Variants in TTC39B observed in about 807,000 individuals in gnomAD.
The protein encoded by TTC39B is tetratricopeptide repeat protein 39B.
A neutral mutation model predicts 96.6 loss-of-function variants in TTC39B; 92 were observed. The observed-to-expected ratio is 0.95, with a 90% CI of 0.80 to 1.13. The LOEUF is 1.13. Among genes scored for constraint, TTC39B ranks in the 50% most tolerant of loss-of-function variants. The pLI is 0.00. For missense variants in TTC39B, 955 were observed against 809.3 expected (o/e 1.18, Z -2.18); for synonymous variants, 367 against 299.4 (o/e 1.23, Z -2.33).
chr9:15,225,091 C>T (rs1363082611), intron 3 of TTC39B, among the ~76,000 whole-genome samples: 2 of 152,010 alleles, frequency 1.3e-5, no homozygotes, highest in African/African-American at 4.8e-5. Flanking sequence ...TAAAAAAAAC[C>T]TTCATGTTCA....
At chr9:15,266,060 A>G (rs1453620598) in intron 2 of TTC39B, among the ~76,000 whole-genome samples, 1 of 152,190 alleles carries the variant, frequency 6.6e-6, no homozygotes, top group Non-Finnish European at 1.5e-5. Context: ...TAACGTATGG[A>G]CTGTAGTTAA....
exon 18 of TTC39B, chr9:15,177,761 A>G (rs1159114850): frequency 1.2e-6 from 2 of 1,613,604 alleles, no homozygotes; most frequent in Non-Finnish European, 1.7e-6. Context: ...TTGAGGCAAC[A>G]TCCTTTAAGT....
At chr9:15,267,884 C>T (rs1823194468) in intron 2 of TTC39B, 30 bp downstream of exon 2, 1 of 1,585,992 alleles carries the variant, frequency 6.3e-7, no homozygotes, top group African/African-American at 1.4e-5. Context: ...TTTTTCCTTA[C>T]TACATACTTT....
intron 2 of TTC39B, among the ~76,000 whole-genome samples, chr9:15,235,023 C>CAATATATAAATAAATA (rs1554779428): frequency 6.9e-6 from 1 of 145,054 alleles, no homozygotes; most frequent in Non-Finnish European, 1.5e-5. Flanking sequence ...CAAGAATGAT[C>CAATATATAAATAAATA]AATAAATAAA....
chr9:15,294,053 C>A (rs1454595239), intron 1 of TTC39B, among the ~76,000 whole-genome samples: 1 of 152,172 alleles, frequency 6.6e-6, no homozygotes, highest in Non-Finnish European at 1.5e-5. Context: ...CAATTGAACT[C>A]CTTTAAATTT....
intron 13 of TTC39B, 31 bp downstream of exon 13, chr9:15,189,543 T>TC: frequency 6.2e-7 from 1 of 1,612,950 alleles, no homozygotes; most frequent in Non-Finnish European, 8.5e-7. Flanking sequence ...TACAGACAAC[T>TC]CCCCCAAATA....
At chr9:15,297,056 C>G (rs1281093823) in intron 1 of TTC39B, among the ~76,000 whole-genome samples, 1 of 152,186 alleles carries the variant, frequency 6.6e-6, no homozygotes, top group Non-Finnish European at 1.5e-5. Context: ...AGGCCAGATT[C>G]TGATCAATCT....
intron 1 of TTC39B, among the ~76,000 whole-genome samples, chr9:15,284,094 A>G (rs1295981777): frequency 6.6e-6 from 1 of 152,236 alleles, no homozygotes; most frequent in Non-Finnish European, 1.5e-5. Flanking sequence ...CCTACAGGTC[A>G]TAAGGAATAG....
chr9:15,296,230 T>A (rs891027470), intron 1 of TTC39B, among the ~76,000 whole-genome samples: 1 of 152,200 alleles, frequency 6.6e-6, no homozygotes, highest in South Asian at 2.1e-4. Flanking sequence ...CAGAACTTAG[T>A]CCGAAGGTAA....
chr9:15,261,613 C>G (rs1279101583), intron 2 of TTC39B, among the ~76,000 whole-genome samples: 2 of 152,168 alleles, frequency 1.3e-5, no homozygotes, highest in Non-Finnish European at 2.9e-5. Flanking sequence ...ACCCACTGCT[C>G]TGTGCTCTGG....
chr9:15,232,727 G>A (rs1821495882), intron 2 of TTC39B, among the ~76,000 whole-genome samples: 1 of 152,214 alleles, frequency 6.6e-6, no homozygotes, highest in Admixed American at 6.5e-5. Flanking sequence ...CCGTTGCTGC[G>A]ACGCCTCTGG....
At chr9:15,294,334 G>A (rs566059119) in intron 1 of TTC39B, among the ~76,000 whole-genome samples, 7 of 152,182 alleles carry the variant, frequency 4.6e-5, no homozygotes, top group African/African-American at 1.4e-4. Flanking sequence ...AGCCTCTTAC[G>A]TTCAGTAACT....
At chr9:15,225,929 G>A in exon 3 of TTC39B, 2 of 1,613,778 alleles carry the variant, frequency 1.2e-6, no homozygotes, top group Non-Finnish European at 1.7e-6. Context: ...GCTGACAGTA[G>A]ACGCTCCGCG....
chr9:15,215,450 G>A (rs1042793200), intron 3 of TTC39B, among the ~76,000 whole-genome samples: 2 of 151,006 alleles, frequency 1.3e-5, no homozygotes, highest in East Asian at 2.0e-4. Context: ...CCAGCTACTC[G>A]GGAGGCTGAG....
chr9:15,209,731 T>A (rs1820082953), intron 6 of TTC39B, among the ~76,000 whole-genome samples: 1 of 152,106 alleles, frequency 6.6e-6, no homozygotes, highest in Admixed American at 6.5e-5. Context: ...AGTATATCAA[T>A]CCTATGGAAT....
chr9:15,171,994 A>G (rs753928128), exon 20 of TTC39B: 2 of 1,581,634 alleles, frequency 1.3e-6, no homozygotes, highest in Admixed American at 3.4e-5. Flanking sequence ...CTAATTGAGG[A>G]AAAATTCCAT....
chr9:15,196,798 T>C (rs1431577939), intron 8 of TTC39B, among the ~76,000 whole-genome samples: 1 of 152,222 alleles, frequency 6.6e-6, no homozygotes, highest in Non-Finnish European at 1.5e-5. Flanking sequence ...CTCCTGTGGG[T>C]AAAGTGCCAT....
At chr9:15,167,028 ATTTTTTTTTTTTT>A (rs549150155) in exon 20 of TTC39B, 3 of 11,036 alleles carry the variant, frequency 2.7e-4, no homozygotes, top group Non-Finnish European at 3.1e-4. Context: ...ATATATATAT[ATTTTTTTTTTTTT>A]TTTTTTTTTT....
rs1038564915 is a variant in TTC39B at position 15,225,832 on chromosome 9, A to C, written c.371+85T>G. On this transcript the variant is annotated intron_variant, in intron 3 of 19. Transcript: ENST00000512701. ...CTCATTGGTTTGTCAAACGCAATGC[A>C]CTATGCAAATATCAGTATTATATTC... The C allele has an allele frequency of 5.5e-6, 7 of 1,263,974 alleles. No individual in the cohort carries two copies. The Admixed American group carries it at 1.4e-4, about 25-fold the overall frequency. The allele number at this position is 1,263,974 out of a possible 1,614,324, so 78.3% of individuals were successfully genotyped here. A position where few individuals can be genotyped will look rare whatever the true frequency, so the allele number is the denominator to read the frequency against.
Sources: gnomAD v4.1 joint callset for allele counts (sites outside exome capture counted in the v4.1 genomes callset) on GRCh38, gnomAD v4.1.1 for gene constraint, MANE v1.5 for transcripts, NCBI Gene and HGNC (gene_info 2026-07-23, HGNC 2026-07-21) for gene names.